ADRA1A: variants seen among roughly 807,000 people sequenced by gnomAD.
ADRA1A encodes the protein adrenoceptor alpha 1A, also known as alpha-1A adrenergic receptor.
A neutral mutation model predicts 29.6 loss-of-function variants in ADRA1A; 31 were observed. That is an observed-to-expected ratio of 1.05 (90% CI 0.79 to 1.41). The LOEUF (loss-of-function observed/expected upper bound fraction) is 1.41, where lower values mean the gene tolerates loss of function less well. ADRA1A is among the 40% of genes most tolerant of loss of function. The pLI, the probability that ADRA1A is intolerant of heterozygous loss-of-function variation, is 0.00. For synonymous variants in ADRA1A, 311 were observed against 254.3 expected, an observed-to-expected ratio of 1.22 and a Z score of -2.12; for missense variants, 619 against 601.1, an observed-to-expected ratio of 1.03 and a Z score of -0.31.
At chr8:26,792,336 G>A (rs996795311) in intron 2 of ADRA1A, among the ~76,000 whole-genome samples, 4 of 151,986 alleles carry the variant, frequency 2.6e-5, no homozygotes, top group Non-Finnish European at 5.9e-5. Flanking sequence ...CCATTAGTTA[G>A]TCATCTTTTC....
downstream of ADRA1A, among the ~76,000 whole-genome samples, chr8:26,768,135 A>T (rs1487048259): frequency 6.6e-6 from 1 of 152,204 alleles, no homozygotes; most frequent in Non-Finnish European, 1.5e-5. Context: ...ACCTATAACA[A>T]AACCCAAATC....
chr8:26,817,044 C>T (rs1809821041), intron 2 of ADRA1A, among the ~76,000 whole-genome samples: 1 of 152,134 alleles, frequency 6.6e-6, no homozygotes, highest in Non-Finnish European at 1.5e-5. Context: ...AATTGGGCTT[C>T]ATCAAAATGA....
intron 2 of ADRA1A, among the ~76,000 whole-genome samples, chr8:26,817,015 C>G (rs548932953): frequency 6.6e-6 from 1 of 151,968 alleles, no homozygotes; most frequent in South Asian, 2.1e-4. Context: ...AAAGCATGAC[C>G]CATAAAAGAA....
Position 26,821,744 on chromosome 8 carries a change from C to A in ADRA1A, c.883+42343G>T, listed in dbSNP as rs139368954. ...AATAGTCCTTTTATAGCCATACCCA[C>A]TTCCCTTCTGCCCCACCCCGATCTT... On this transcript the variant is annotated intron_variant, in intron 2 of 2. Coordinates refer to ENST00000380573, the MANE Select transcript of ADRA1A (RefSeq NM_000680.4). The surrounding 1 kb of genome is among the most constrained non-coding windows in gnomAD (Gnocchi z 5.6). 1.1e-3 allele frequency among the ~76,000 whole-genome samples: 168 copies of A among 147,534 alleles called. 2 individuals are homozygous for A. The highest frequency in any genetic ancestry group is 4.1e-3 in the African/African-American group (165 of 40,612).
intron 2 of ADRA1A, among the ~76,000 whole-genome samples, chr8:26,843,845 G>A (rs1299387796): frequency 6.6e-6 from 1 of 152,144 alleles, no homozygotes; most frequent in Non-Finnish European, 1.5e-5. Context: ...ATTCACAAAC[G>A]GACCACAATG....
At chr8:26,827,362 C>T (rs1810647175) in intron 2 of ADRA1A, among the ~76,000 whole-genome samples, 1 of 152,208 alleles carries the variant, frequency 6.6e-6, no homozygotes, top group South Asian at 2.1e-4. Flanking sequence ...AGCTTAGTGA[C>T]ATGTGATACT....
chr8:26,750,149 C>T (rs1021749053), intron 2 of ADRA1A, among the ~76,000 whole-genome samples: 2 of 152,142 alleles, frequency 1.3e-5, no homozygotes, highest in Non-Finnish European at 2.9e-5. Context: ...GCCGTCTCCT[C>T]GCTGGAACCT....
intron 2 of ADRA1A, among the ~76,000 whole-genome samples, chr8:26,776,417 C>A (rs1281877930): frequency 6.6e-6 from 1 of 152,198 alleles, no homozygotes; most frequent in East Asian, 1.9e-4. Context: ...CTATGGTAAA[C>A]CCTACTTAGC....
Position 26,865,422 on chromosome 8 carries a change from T to C in ADRA1A, c.-453A>G. On this transcript the variant is annotated 5_prime_UTR_variant, in exon 2 of 3. Coordinates refer to ENST00000380573, the MANE Select transcript of ADRA1A (RefSeq NM_000680.4). The surrounding 1 kb of genome is among the most constrained non-coding windows in gnomAD (Gnocchi z 7.6). ...TCGGAATTCAAAACTCCAGCGCCAG[T>C]CTCTCCCTCAAACCAAAAGATCAGC... 1 of 1,002,040 alleles carries C rather than the reference T, an allele frequency of 1.0e-6. No homozygotes were observed. Among genetic ancestry groups the C allele is most frequent in the African/African-American group, 1.7e-5 (1 of 57,488 alleles). 62.1% of individuals were successfully genotyped at this position (1,002,040 alleles called of 1,614,324 possible). A position where few individuals can be genotyped will look rare whatever the true frequency, so the allele number is the denominator to read the frequency against.
intron 2 of ADRA1A, among the ~76,000 whole-genome samples, chr8:26,791,910 C>A (rs1585699612): frequency 6.6e-6 from 1 of 152,136 alleles, no homozygotes; most frequent in East Asian, 1.9e-4. Flanking sequence ...TTCCCAATAT[C>A]CCTAACACCA....
intron 2 of ADRA1A, among the ~76,000 whole-genome samples, chr8:26,853,071 G>A (rs772170259): frequency 1.3e-4 from 19 of 151,994 alleles, no homozygotes; most frequent in Non-Finnish European, 2.8e-4. Flanking sequence ...TATCAATAAA[G>A]CAAATGTTTA....
chr8:26,799,940 T>C (rs72609956), intron 2 of ADRA1A, among the ~76,000 whole-genome samples: 3,934 of 152,264 alleles, frequency 0.026, 75 homozygotes, highest in Middle Eastern at 0.061. Flanking sequence ...AGGAGTTATG[T>C]TACTTGACTT....
Position 26,816,533 on chromosome 8 carries a change from ATGTGTGTGTGTG to A in ADRA1A, c.884-45879_884-45868del, listed in dbSNP as rs59536491. 4.2e-3 allele frequency among the ~76,000 whole-genome samples: 623 copies of A among 147,592 alleles called. 6 individuals carry two copies. Among genetic ancestry groups the A allele is most frequent in the South Asian group, 0.019 (86 of 4,588 alleles). On this transcript the variant is annotated intron_variant, in intron 2 of 2. Coordinates refer to ENST00000380573, the MANE Select transcript of ADRA1A (RefSeq NM_000680.4). Reference sequence around the variant, plus strand: ...ACAACAAGAGAGGTGCTCATGGTGTATGTGTGTGTGTGTGTGTGTGTGTGTGTGTGTGTGTGC... The same window carrying A: ...ACAACAAGAGAGGTGCTCATGGTGTATGTGTGTGTGTGTGTGTGTGTGTGC...
chr8:26,767,461 G>A (rs1156305274), downstream of ADRA1A, among the ~76,000 whole-genome samples: 1 of 152,120 alleles, frequency 6.6e-6, no homozygotes, highest in Non-Finnish European at 1.5e-5. Context: ...TCAATTTCTT[G>A]TAAATTTGGT....
intron 2 of ADRA1A, among the ~76,000 whole-genome samples, chr8:26,810,908 C>CA (rs200936888): frequency 1.9e-3 from 286 of 151,438 alleles, no homozygotes; most frequent in African/African-American, 6.4e-3. Flanking sequence ...AATTACCTGA[C>CA]AAAAAAAAAT....
At chr8:26,817,971 C>CT (rs1229832438) in intron 2 of ADRA1A, among the ~76,000 whole-genome samples, 3 of 152,230 alleles carry the variant, frequency 2.0e-5, no homozygotes, top group African/African-American at 7.2e-5. Flanking sequence ...GATGAATACA[C>CT]TGTGGTGTAT....
At chr8:26,861,701 A>G (rs1813481089) in intron 2 of ADRA1A, among the ~76,000 whole-genome samples, 1 of 152,150 alleles carries the variant, frequency 6.6e-6, no homozygotes, top group South Asian at 2.1e-4. Context: ...CCTTGCAGCC[A>G]CATAACTCTT....
intron 2 of ADRA1A, among the ~76,000 whole-genome samples, chr8:26,829,607 GATA>G (rs2130641943): frequency 6.6e-6 from 1 of 152,250 alleles, no homozygotes; most frequent in South Asian, 2.1e-4. Context: ...TCGGTAATAT[GATA>G]ATATGATAAC....
chr8:26,860,139 A>C lies in ADRA1A; in HGVS notation c.883+3948T>G, dbSNP rs1169570785. ...TACCACCACTTCTCTCCACCACAAC[A>C]TCTTCTCCTCCACACTGCTGACTCC... On this transcript the variant is annotated intron_variant, in intron 2 of 2. Coordinates refer to ENST00000380573, the MANE Select transcript of ADRA1A (RefSeq NM_000680.4). This position sits in a 1 kb window ranked among gnomAD's most constrained non-coding sequence, Gnocchi z 4.7. Among the ~76,000 whole-genome samples the C allele has an allele frequency of 1.3e-5, 2 of 151,956 alleles. No individual in the cohort carries two copies. The highest frequency in any genetic ancestry group is 2.9e-5 in the Non-Finnish European group (2 of 67,990).
Sources: allele counts gnomAD v4.1 joint callset (sites outside exome capture counted in the v4.1 genomes callset), GRCh38; gene constraint gnomAD v4.1.1; non-coding constraint Gnocchi (gnomAD v3.1); transcripts MANE v1.5; gene names NCBI Gene and HGNC (gene_info 2026-07-23, HGNC 2026-07-21).